The following DMD variants were observed in gnomAD, a reference collection of about 807,000 sequenced individuals.
The protein encoded by DMD is mutant dystrophin.
A neutral mutation model predicts 330.1 loss-of-function variants in DMD; 63 were observed. The ratio of observed to expected loss-of-function variants is 0.19; its 90% CI spans 0.16 to 0.24. The LOEUF (loss-of-function observed/expected upper bound fraction) is 0.24, where lower values mean the gene tolerates loss of function less well. DMD is among the 10% of genes least tolerant of loss of function. DMD has a pLI of 1.00. For synonymous variants in DMD, 1,223 were observed against 959.8 expected (o/e 1.27, Z -5.07); for missense variants, 3,344 against 2,684.1 (o/e 1.25, Z -5.43).
Position 31,121,948 on chromosome X carries a change from A to G in DMD, c.11047-18T>C. On this transcript the variant is annotated intron_variant, in intron 78 of 78. Transcript: ENST00000357033. ...ATTGTGTCCTGGAAAACAAAGAGAA[A>G]GAAAGACAGACTTTACAAAAGGTGC... The G allele has an allele frequency of 8.9e-7, 1 of 1,129,409 alleles. No homozygotes were observed. Among genetic ancestry groups the G allele is most frequent in the Non-Finnish European group, 1.2e-6 (1 of 821,747 alleles). 93.1% of individuals were successfully genotyped at this position (1,129,409 alleles called of 1,213,427 possible). A position where few individuals can be genotyped will look rare whatever the true frequency, so the allele number is the denominator to read the frequency against.
intron 47 of DMD, among the ~76,000 whole-genome samples, chrX:31,929,318 G>A (rs915901415): frequency 2.7e-5 from 3 of 111,336 alleles, no homozygotes; most frequent in Non-Finnish European, 5.6e-5. Context: ...TAAATACTTC[G>A]CCATTTCTTC....
chrX:32,463,367 G>T, intron 25 of DMD, 72 bp downstream of exon 25: 1 of 1,009,347 alleles, frequency 9.9e-7, no homozygotes, highest in African/African-American at 1.9e-5. Context: ...CAAAAGTAAC[G>T]GTGAAGGGAG....
At chrX:32,179,242 T>C (rs2096918894) in intron 44 of DMD, among the ~76,000 whole-genome samples, 1 of 110,921 alleles carries the variant, frequency 9.0e-6, no homozygotes, top group Non-Finnish European at 1.9e-5. Context: ...GAGTGAGGTA[T>C]AATGGTCTTC....
chrX:31,169,026 C>T (rs1465638163), intron 74 of DMD, among the ~76,000 whole-genome samples: 1 of 111,170 alleles, frequency 9.0e-6, no homozygotes, highest in Admixed American at 9.6e-5. Context: ...AATTGGTTTC[C>T]CAATATGACC....
At chrX:32,952,663 T>C (rs976692818) in intron 2 of DMD, among the ~76,000 whole-genome samples, 1 of 112,157 alleles carries the variant, frequency 8.9e-6, no homozygotes, top group Non-Finnish European at 1.9e-5. Flanking sequence ...GTTTAAATTA[T>C]AGTTTTATAA....
chrX:32,968,959 C>G (rs1340636326), intron 2 of DMD, among the ~76,000 whole-genome samples: 6 of 88,952 alleles, frequency 6.7e-5, no homozygotes, highest in African/African-American at 2.6e-4. Context: ...AACCCGGAGG[C>G]AGAGGTTGCA....
At chrX:32,853,709 G>C (rs1420348794) in intron 2 of DMD, among the ~76,000 whole-genome samples, 24 of 96,533 alleles carry the variant, frequency 2.5e-4, no homozygotes, top group African/African-American at 9.2e-4. Context: ...GTAGGAATAA[G>C]TTCTTAATAA....
chrX:31,496,237 A>T (rs1193652168), intron 57 of DMD, among the ~76,000 whole-genome samples: 1 of 112,490 alleles, frequency 8.9e-6, no homozygotes, highest in Non-Finnish European at 1.9e-5. Context: ...GAAAAAGTTT[A>T]AAAAATGCAT....
intron 50 of DMD, among the ~76,000 whole-genome samples, chrX:31,801,276 T>C (rs957629241): frequency 4.5e-5 from 5 of 111,414 alleles, no homozygotes; most frequent in African/African-American, 1.6e-4. Flanking sequence ...AAATGCCAGA[T>C]GCTTATAAAA....
At chrX:32,568,285 G>A (rs1047414370) in intron 15 of DMD, among the ~76,000 whole-genome samples, 4 of 111,482 alleles carry the variant, frequency 3.6e-5, no homozygotes, top group African/African-American at 9.8e-5. Flanking sequence ...TGAGGCGGGC[G>A]GATCACGAGG....
chrX:32,091,954 A>C (rs958757194), intron 44 of DMD, among the ~76,000 whole-genome samples: 7 of 111,661 alleles, frequency 6.3e-5, no homozygotes, highest in Non-Finnish European at 1.1e-4. Context: ...AAATGTTAAT[A>C]TTCATCATCT....
At chrX:32,832,239 T>C (rs1235068088) in intron 4 of DMD, among the ~76,000 whole-genome samples, 1 of 111,596 alleles carries the variant, frequency 9.0e-6, no homozygotes, top group East Asian at 2.8e-4. Context: ...CAAACTATTA[T>C]AAAATAATTT....
At chrX:31,805,504 T>A (rs2092259874) in intron 50 of DMD, among the ~76,000 whole-genome samples, 1 of 112,283 alleles carries the variant, frequency 8.9e-6, no homozygotes, top group Non-Finnish European at 1.9e-5. Context: ...CTTATAGTCA[T>A]GAGAATTTAG....
chrX:32,350,842 T>C (rs1569559290), intron 37 of DMD, among the ~76,000 whole-genome samples: 1 of 111,125 alleles, frequency 9.0e-6, no homozygotes, highest in African/African-American at 3.3e-5. Flanking sequence ...GTGTTCCTAA[T>C]ATAGACCTTT....
chrX:33,223,138 C>T (rs766186418), intron 1 of DMD, among the ~76,000 whole-genome samples: 1 of 111,075 alleles, frequency 9.0e-6, no homozygotes, highest in Admixed American at 9.6e-5. Flanking sequence ...CATGAAGCCC[C>T]GTCTGTACTA....
intron 44 of DMD, among the ~76,000 whole-genome samples, chrX:32,105,122 C>A (rs763108271): frequency 5.4e-5 from 6 of 111,977 alleles, no homozygotes; most frequent in Non-Finnish European, 9.4e-5. Context: ...CGCTTACCAA[C>A]ACACGTTAGT....
chrX:31,778,922 T>A (rs1450880845), intron 50 of DMD, among the ~76,000 whole-genome samples: 1 of 111,895 alleles, frequency 8.9e-6, no homozygotes, highest in Admixed American at 9.5e-5. Flanking sequence ...CACTTTCAGA[T>A]GCGTTTACCT....
rs138649164 is a variant in DMD, at chrX:31,899,302, G to T, written c.6913-23929C>A. Among the ~76,000 whole-genome samples, 925 of 107,105 alleles carry T rather than the reference G, an allele frequency of 8.6e-3. 8 individuals carry two copies. Among genetic ancestry groups the T allele is most frequent in the African/African-American group, 0.03 (881 of 29,255 alleles). The allele number at this position is 107,105 out of a possible 115,157, so 93.0% of individuals were successfully genotyped here. On this transcript the variant is annotated intron_variant, in intron 47 of 78. Coordinates refer to ENST00000357033, the MANE Select transcript of DMD (RefSeq NM_004006.3). Reference sequence around the variant, plus strand: ...TCCAGTGCACTGAATATAATTTTCTGCTTCAACTGACGATCTAGTCTTTTG... The same window carrying T: ...TCCAGTGCACTGAATATAATTTTCTTCTTCAACTGACGATCTAGTCTTTTG...
intron 45 of DMD, among the ~76,000 whole-genome samples, chrX:31,957,749 TA>T (rs1335757791): frequency 2.7e-5 from 3 of 112,127 alleles, no homozygotes; most frequent in African/African-American, 9.7e-5. Context: ...TGACAACATA[TA>T]ATTAGTAAAA....
Sources: allele counts gnomAD v4.1 joint callset (sites outside exome capture counted in the v4.1 genomes callset), GRCh38; gene constraint gnomAD v4.1.1; transcripts MANE v1.5; gene names NCBI Gene and HGNC (gene_info 2026-07-23, HGNC 2026-07-21).